Variants in SOBP observed in about 807,000 individuals in gnomAD.
The protein encoded by SOBP is sine oculis-binding protein homolog.
Under a neutral mutation model 53.6 loss-of-function variants are expected in SOBP, and 4 were observed. That is an observed-to-expected ratio of 0.07 (90% CI 0.04 to 0.17). The LOEUF is 0.17. SOBP is among the 10% of genes least tolerant of loss of function. SOBP has a pLI of 1.00. For synonymous variants in SOBP, 584 were observed against 522.6 expected (o/e 1.12, Z -1.60); for missense variants, 1,088 against 1,204.7 (o/e 0.90, Z 1.43).
intron 4 of SOBP, among the ~76,000 whole-genome samples, chr6:107,582,977 A>G (rs557061377): frequency 1.3e-5 from 2 of 152,370 alleles, no homozygotes; most frequent in East Asian, 3.9e-4. Context: ...GAACAATTTT[A>G]GTGTTCACAT....
At chr6:107,521,909 AACACAC>A (rs34004579) in intron 3 of SOBP, among the ~76,000 whole-genome samples, 6,524 of 139,232 alleles carry the variant, frequency 0.047, 181 homozygotes, top group Middle Eastern at 0.082. Flanking sequence ...CAGACATTAA[AACACAC>A]ACACACACAC....
chr6:107,584,233 G>T (rs1785495998), intron 4 of SOBP, among the ~76,000 whole-genome samples: 2 of 150,578 alleles, frequency 1.3e-5, no homozygotes, highest in African/African-American at 4.9e-5. Flanking sequence ...AGAAAGGGAG[G>T]GGGTCAGACA....
chr6:107,578,000 G>A (rs1409217154), intron 4 of SOBP, among the ~76,000 whole-genome samples: 3 of 151,786 alleles, frequency 2.0e-5, no homozygotes, highest in Non-Finnish European at 4.4e-5. Flanking sequence ...CGTGAACCGG[G>A]GAGGCGAAGC....
rs1168403397 is a variant in SOBP, at chr6:107,634,202, G to A, written c.1358G>A (p.Arg453Gln). 2.5e-6 allele frequency: 4 copies of A among 1,602,742 alleles called. No individual in the cohort carries two copies. The highest frequency in any genetic ancestry group is 1.7e-5 in the Admixed American group (1 of 59,936). The change falls in exon 6 of 7, where the codon CGG becomes CAG. Residue 453 changes from arginine (R) to glutamine (Q), a missense_variant. Coordinates refer to ENST00000317357, the MANE Select transcript of SOBP (RefSeq NM_018013.4). This position sits in a 1 kb window ranked among gnomAD's most constrained non-coding sequence, Gnocchi z 4.5. ...NLGPTSSPMHRPMLSPHIHPP... is the reference protein window; with the variant it reads ...NLGPTSSPMHQPMLSPHIHPP... Reference sequence around the variant, plus strand: ...GGCCCCACTTCCAGCCCCATGCACCGGCCCATGCTATCGCCCCACATCCAC... The same window carrying A: ...GGCCCCACTTCCAGCCCCATGCACCAGCCCATGCTATCGCCCCACATCCAC...
chr6:107,617,616 T>C (rs1475658345), intron 5 of SOBP, among the ~76,000 whole-genome samples: 10 of 152,156 alleles, frequency 6.6e-5, no homozygotes. Flanking sequence ...TCCAAACATG[T>C]AATGTTTAAT....
At chr6:107,585,446 G>A (rs1381393425) in intron 4 of SOBP, among the ~76,000 whole-genome samples, 1 of 152,130 alleles carries the variant, frequency 6.6e-6, no homozygotes, top group African/African-American at 2.4e-5. Context: ...TTAAACCATG[G>A]CGTAGCTGCA....
intron 4 of SOBP, among the ~76,000 whole-genome samples, chr6:107,576,500 T>C (rs1335065263): frequency 1.3e-5 from 2 of 152,180 alleles, no homozygotes; most frequent in Non-Finnish European, 2.9e-5. Context: ...CCTATGTCTG[T>C]CCAGAATAAA....
At chr6:107,624,382 G>A (rs1383988462) in intron 5 of SOBP, among the ~76,000 whole-genome samples, 1 of 152,184 alleles carries the variant, frequency 6.6e-6, no homozygotes, top group Non-Finnish European at 1.5e-5. Flanking sequence ...AGGGCCCTGG[G>A]AACTTGTGCC....
At chr6:107,550,786 A>G (rs1784438984) in intron 4 of SOBP, among the ~76,000 whole-genome samples, 1 of 152,236 alleles carries the variant, frequency 6.6e-6, no homozygotes, top group Non-Finnish European at 1.5e-5. Flanking sequence ...GTCACACATT[A>G]AAAAACCAAT....
rs1047773217 is a variant in SOBP at position 107,490,398 on chromosome 6, T to C, written c.-219T>C. 54 of 435,026 alleles carry C rather than the reference T, an allele frequency of 1.2e-4. 2 individuals are homozygous for C. The East Asian group carries it at 1.7e-3, about 14-fold the overall frequency. The allele number at this position is 435,026 out of a possible 1,614,324, so 26.9% of individuals were successfully genotyped here. Reference sequence around the variant, plus strand: ...GGCATCCCCGAGACTCTCCGCACTATCCTTACCCGTGACAGCCACTGACGT... The same window carrying C: ...GGCATCCCCGAGACTCTCCGCACTACCCTTACCCGTGACAGCCACTGACGT... On this transcript the variant is annotated 5_prime_UTR_variant, in exon 1 of 7. Coordinates refer to ENST00000317357, the MANE Select transcript of SOBP (RefSeq NM_018013.4).
intron 4 of SOBP, among the ~76,000 whole-genome samples, chr6:107,577,978 G>A (rs901897092): frequency 6.6e-6 from 1 of 151,800 alleles, no homozygotes; most frequent in Non-Finnish European, 1.5e-5. Context: ...GGAGGCTGAG[G>A]CAGGAGAATG....
At chr6:107,645,368 C>T (rs1287152034) in intron 6 of SOBP, among the ~76,000 whole-genome samples, 1 of 152,058 alleles carries the variant, frequency 6.6e-6, no homozygotes, top group Admixed American at 6.6e-5. Flanking sequence ...GAGGGTAAAA[C>T]ATATCCATTT....
chr6:107,522,596 G>A (rs1018203951), intron 3 of SOBP, among the ~76,000 whole-genome samples: 3 of 135,746 alleles, frequency 2.2e-5, no homozygotes, highest in Admixed American at 8.3e-5. Context: ...GGCTGGAGTC[G>A]AGTGGTGCCA....
At chr6:107,559,979 C>T (rs780374429) in intron 4 of SOBP, among the ~76,000 whole-genome samples, 26 of 151,782 alleles carry the variant, frequency 1.7e-4, no homozygotes, top group Non-Finnish European at 3.4e-4. Flanking sequence ...CAGGGGGCAG[C>T]AGTGGGGGAG....
At chr6:107,498,857 G>T (rs1332609217) in intron 1 of SOBP, among the ~76,000 whole-genome samples, 2 of 152,130 alleles carry the variant, frequency 1.3e-5, no homozygotes, top group Non-Finnish European at 2.9e-5. Context: ...AACACTAGAG[G>T]TGAGAGAGGA....
intron 4 of SOBP, among the ~76,000 whole-genome samples, chr6:107,544,316 A>G (rs544257634): frequency 1.4e-4 from 22 of 152,206 alleles, no homozygotes; most frequent in Non-Finnish European, 2.5e-4. Context: ...CACCATTATT[A>G]ATTAATCTAT....
At chr6:107,583,885 A>G (rs1785484826) in intron 4 of SOBP, among the ~76,000 whole-genome samples, 1 of 152,206 alleles carries the variant, frequency 6.6e-6, no homozygotes, top group African/African-American at 2.4e-5. Context: ...CGAGCATGCT[A>G]AATCTGAAAA....
intron 4 of SOBP, among the ~76,000 whole-genome samples, chr6:107,578,073 CAAAAAAAAAAA>C (rs11362582): frequency 2.3e-5 from 2 of 87,470 alleles, no homozygotes; most frequent in South Asian, 7.8e-4. Flanking sequence ...GACTCTGTCT[CAAAAAAAAAAA>C]AAAAAAAAAA....
chr6:107,490,528 G>A lies in SOBP; in HGVS notation c.-89G>A, dbSNP rs976240736. The A allele has an allele frequency of 6.6e-6, 6 of 912,438 alleles. No homozygotes were observed. Among genetic ancestry groups the A allele is most frequent in the Non-Finnish European group, 1.0e-5 (6 of 576,006 alleles). 56.5% of individuals were successfully genotyped at this position (912,438 alleles called of 1,614,324 possible). On this transcript the variant is annotated 5_prime_UTR_variant, in exon 1 of 7. Coordinates refer to ENST00000317357, the MANE Select transcript of SOBP (RefSeq NM_018013.4). ...ACCTCCGCCAGCCTCGCCACCATCA[G>A]CACCACCTCCACCGCCGCCGCCGCC... is the stretch of plus-strand genomic sequence containing the variant.
Sources: gnomAD v4.1 joint callset for allele counts (sites outside exome capture counted in the v4.1 genomes callset) on GRCh38, gnomAD v4.1.1 for gene constraint, Gnocchi (gnomAD v3.1) non-coding constraint, MANE v1.5 for transcripts, NCBI Gene and HGNC (gene_info 2026-07-23, HGNC 2026-07-21) for gene names.